The following PLCG2 variants were observed in gnomAD, a reference collection of about 807,000 sequenced individuals.
PLCG2 encodes 1-phosphatidylinositol 4,5-bisphosphate phosphodiesterase gamma-2.
In PLCG2, 69 loss-of-function variants were observed where a neutral mutation model predicts 175.6. The ratio of observed to expected loss-of-function variants is 0.39; its 90% CI spans 0.32 to 0.48. The LOEUF (loss-of-function observed/expected upper bound fraction) is 0.48, where lower values mean the gene tolerates loss of function less well. Among genes scored for constraint, PLCG2 ranks in the 20% least tolerant of loss-of-function variants. The probability of loss-of-function intolerance (pLI) is 0.91; values close to 1 mark genes in which losing one functional copy is unlikely to be tolerated. For missense variants in PLCG2, 1,798 were observed against 1,650.9 expected (o/e 1.09, Z -1.54); for synonymous variants, 827 against 624.0 (o/e 1.33, Z -4.85).
At chr16:81,853,630 T>A (rs1224445094) in intron 2 of PLCG2, among the ~76,000 whole-genome samples, 1 of 152,158 alleles carries the variant, frequency 6.6e-6, no homozygotes, top group African/African-American at 2.4e-5. Context: ...ATCTGACAGT[T>A]GGTGGAGCTC....
chr16:81,875,151 A>T (rs1242884597), intron 7 of PLCG2, among the ~76,000 whole-genome samples: 1 of 151,072 alleles, frequency 6.6e-6, no homozygotes, highest in East Asian at 1.9e-4. Flanking sequence ...TTTAATTGAA[A>T]CGGGGTTTCA....
At chr16:81,859,431 A>T (rs1906849360) in intron 5 of PLCG2, among the ~76,000 whole-genome samples, 1 of 152,130 alleles carries the variant, frequency 6.6e-6, no homozygotes, top group South Asian at 2.1e-4. Context: ...ATATTTGAGC[A>T]CCTTTAAAGT....
intron 13 of PLCG2, among the ~76,000 whole-genome samples, chr16:81,897,032 T>C (rs1908923179): frequency 6.6e-6 from 1 of 152,228 alleles, no homozygotes; most frequent in South Asian, 2.1e-4. Context: ...GTGGTCTCTG[T>C]TGCAACTATT....
At chr16:81,887,283 C>G (rs1424637015) in intron 9 of PLCG2, among the ~76,000 whole-genome samples, 1 of 152,090 alleles carries the variant, frequency 6.6e-6, no homozygotes, top group Non-Finnish European at 1.5e-5. Context: ...CCACGCCCAG[C>G]TAATTTTTTG....
At chr16:81,853,342 A>G (rs1318550397) in intron 2 of PLCG2, among the ~76,000 whole-genome samples, 1 of 129,824 alleles carries the variant, frequency 7.7e-6, no homozygotes, top group African/African-American at 2.8e-5. Context: ...AAAAAAAAAA[A>G]CAAAACAACA....
intron 12 of PLCG2, chr16:81,895,604 G>T (rs562833874): frequency 1.5e-4 from 82 of 542,794 alleles, no homozygotes; most frequent in African/African-American, 1.4e-3. Context: ...AAACTAGCTT[G>T]TCTTGGACAG....
intron 2 of PLCG2, among the ~76,000 whole-genome samples, chr16:81,849,770 T>TGA (rs1567497219): frequency 6.9e-4 from 24 of 34,700 alleles, no homozygotes; most frequent in African/African-American, 3.6e-3. Flanking sequence ...AAACTCTGTC[T>TGA]CAAAAAAAAA....
chr16:81,812,043 CTTT>C (rs539108021), intron 2 of PLCG2, among the ~76,000 whole-genome samples: 1 of 90,330 alleles, frequency 1.1e-5, no homozygotes. Context: ...TGTTTCCTGA[CTTT>C]TTTTTTTTTT....
At chr16:81,905,255 C>G (rs1909316233) in intron 14 of PLCG2, 148 bp from the exon 15 acceptor site, 1 of 613,444 alleles carries the variant, frequency 1.6e-6, no homozygotes, top group South Asian at 2.0e-5. Context: ...ACCTGGAGGG[C>G]AGAGCTGAAC....
At chr16:81,744,728 T>A (rs1316266344) in intron 1 of PLCG2, among the ~76,000 whole-genome samples, 1 of 152,056 alleles carries the variant, frequency 6.6e-6, no homozygotes, top group Non-Finnish European at 1.5e-5. Flanking sequence ...TGGGTCACCA[T>A]ACCCAGCTAA....
chr16:81,875,029 T>A (rs1907711398), intron 7 of PLCG2, among the ~76,000 whole-genome samples: 1 of 145,362 alleles, frequency 6.9e-6, no homozygotes. Context: ...AATGGCACGA[T>A]CTTGATTCAC....
rs535425449 is a variant in PLCG2 at position 81,790,347 on chromosome 16, G to A, written c.193+4165G>A. On this transcript the variant is annotated intron_variant, in intron 2 of 32. Transcript: ENST00000564138. ...TTGGATTTGCATCTTTGAGCATGCA[G>A]TGGAGGTCCTGTTTGCAATGATGGT... Among the ~76,000 whole-genome samples the A allele has an allele frequency of 3.3e-5, 5 of 152,342 alleles. No individual in the cohort carries two copies. The South Asian group carries it at 8.3e-4, about 25-fold the overall frequency.
intron 18 of PLCG2, 120 bp downstream of exon 18, chr16:81,910,840 C>G (rs1385368169): frequency 1.1e-6 from 1 of 913,898 alleles, no homozygotes; most frequent in Non-Finnish European, 1.7e-6. Flanking sequence ...CCCAGCCCAC[C>G]GGCATCTCAA....
At position 81,962,234 on chromosome 16, in the gene PLCG2, C is replaced by T. The variant is rs373638033; in HGVS notation, c.*4236C>T. 10 of 191,550 alleles carry T rather than the reference C, an allele frequency of 5.2e-5. No homozygotes were observed. The highest frequency in any genetic ancestry group is 9.8e-5 in the Non-Finnish European group (9 of 91,616). 11.9% of individuals were successfully genotyped at this position (191,550 alleles called of 1,614,324 possible). ...CAAAAAGGATGGCTAAAAAGGACCT[C>T]AACCCTTTTGACTTTAAAAGGAAAA... On this transcript the variant is annotated 3_prime_UTR_variant, in exon 33 of 33. Coordinates refer to ENST00000564138, the MANE Select transcript of PLCG2 (RefSeq NM_002661.5).
chr16:81,840,022 A>G (rs910495941), intron 2 of PLCG2, among the ~76,000 whole-genome samples: 4 of 152,186 alleles, frequency 2.6e-5, no homozygotes, highest in Non-Finnish European at 5.9e-5. Flanking sequence ...GTGCCACTGC[A>G]CTCCAGCCTG....
rs183222390 is a variant in PLCG2 at position 81,902,312 on chromosome 16, A to C, written c.1362+1532A>C. 6.6e-5 allele frequency among the ~76,000 whole-genome samples: 10 copies of C among 152,268 alleles called. No homozygotes were observed. In the East Asian group the frequency reaches 1.7e-3, roughly 26 times the overall value. On this transcript the variant is annotated intron_variant, in intron 14 of 32. Transcript: ENST00000564138. ...CCTGCAGCTATCACAAAATACCCTA[A>C]GCTGGGTGGGTTATAAACAACAGGA...
chr16:81,897,185 C>G (rs923146955), intron 13 of PLCG2, among the ~76,000 whole-genome samples: 4 of 152,246 alleles, frequency 2.6e-5, no homozygotes, highest in African/African-American at 7.2e-5. Context: ...TATGCCGACT[C>G]CTGGTTTGGG....
intron 2 of PLCG2, among the ~76,000 whole-genome samples, chr16:81,820,793 G>C (rs1358840641): frequency 6.6e-6 from 1 of 151,558 alleles, no homozygotes; most frequent in Non-Finnish European, 1.5e-5. Context: ...GCTAATTTTT[G>C]TATTTTTAGT....
intron 2 of PLCG2, among the ~76,000 whole-genome samples, chr16:81,787,550 T>A (rs60707451): frequency 4.8e-5 from 7 of 145,522 alleles, no homozygotes; most frequent in African/African-American, 1.8e-4. Context: ...TTTTTTTTTT[T>A]ATAATAGATT....
Sources: allele counts gnomAD v4.1 joint callset (sites outside exome capture counted in the v4.1 genomes callset), GRCh38; gene constraint gnomAD v4.1.1; transcripts MANE v1.5; gene names NCBI Gene and HGNC (gene_info 2026-07-23, HGNC 2026-07-21).